Variants in PCNX2 observed in about 807,000 individuals in gnomAD.
The protein encoded by PCNX2 is pecanex 2.
A neutral mutation model predicts 223.8 loss-of-function variants in PCNX2; 168 were observed. The ratio of observed to expected loss-of-function variants is 0.75; its 90% CI spans 0.66 to 0.85. The LOEUF (loss-of-function observed/expected upper bound fraction) is 0.85, where lower values mean the gene tolerates loss of function less well. PCNX2 is among the 40% of genes least tolerant of loss of function. The probability of loss-of-function intolerance (pLI) is 0.00; values close to 1 mark genes in which losing one functional copy is unlikely to be tolerated. For missense variants in PCNX2, 2,507 were observed against 2,675.5 expected (o/e 0.94, Z 1.39); for synonymous variants, 1,006 against 1,052.6 (o/e 0.96, Z 0.86).
intron 26 of PCNX2, among the ~76,000 whole-genome samples, chr1:233,024,479 C>T (rs1478597868): frequency 6.6e-6 from 1 of 152,196 alleles, no homozygotes; most frequent in Non-Finnish European, 1.5e-5. Flanking sequence ...TCCTCTGCCA[C>T]ACGGCTCTCG....
At chr1:233,252,878 T>G (rs1659540280) in intron 5 of PCNX2, 90 bp from the exon 6 acceptor site, 2 of 1,334,104 alleles carry the variant, frequency 1.5e-6, no homozygotes, top group Non-Finnish European at 2.0e-6. Context: ...GAAACAAGAA[T>G]AGAAAGAAAA....
intron 5 of PCNX2, among the ~76,000 whole-genome samples, chr1:233,257,608 AT>A (rs1364265919): frequency 6.6e-6 from 1 of 152,198 alleles, no homozygotes; most frequent in Non-Finnish European, 1.5e-5. Context: ...CGGATTCTGT[AT>A]TTTATAATAG....
intron 17 of PCNX2, among the ~76,000 whole-genome samples, chr1:233,163,893 A>G (rs1340643742): frequency 6.6e-6 from 1 of 152,154 alleles, no homozygotes; most frequent in Non-Finnish European, 1.5e-5. Context: ...ATTGCTGAGT[A>G]GTATTCCTCT....
chr1:233,196,298 C>T (rs898277706), intron 15 of PCNX2, among the ~76,000 whole-genome samples: 1 of 151,662 alleles, frequency 6.6e-6, no homozygotes, highest in Non-Finnish European at 1.5e-5. Flanking sequence ...ATATTTGTGA[C>T]TTAGGGTTAA....
chr1:233,234,209 A>T (rs1187261606), intron 9 of PCNX2, among the ~76,000 whole-genome samples: 1 of 152,198 alleles, frequency 6.6e-6, no homozygotes, highest in Non-Finnish European at 1.5e-5. Flanking sequence ...TGACAAGAAA[A>T]CCTATTTAAT....
intron 23 of PCNX2, among the ~76,000 whole-genome samples, chr1:233,073,047 G>A (rs1489488236): frequency 1.3e-5 from 2 of 152,070 alleles, no homozygotes; most frequent in African/African-American, 4.8e-5. Flanking sequence ...AAAAATTACT[G>A]ATTAATTCTT....
At chr1:233,262,797 T>C (rs1660126538) in intron 2 of PCNX2, among the ~76,000 whole-genome samples, 161 bp downstream of exon 2, 1 of 152,382 alleles carries the variant, frequency 6.6e-6, no homozygotes, top group East Asian at 1.9e-4. Flanking sequence ...ATCTTGATTA[T>C]GAATATCAAT....
At chr1:233,119,403 CAAAAA>C (rs71173251) in intron 21 of PCNX2, among the ~76,000 whole-genome samples, 48 of 38,618 alleles carry the variant, frequency 1.2e-3, no homozygotes, top group Admixed American at 3.8e-3. Context: ...ACTAAAAATA[CAAAAA>C]AAAAAAAAAA....
chr1:233,310,276 A>G, the PCNX2 span, among the ~76,000 whole-genome samples: 2 of 152,246 alleles, frequency 1.3e-5, no homozygotes, highest in Non-Finnish European at 2.9e-5. Flanking sequence ...GGTTCAAAAA[A>G]TAAGTAAAGA....
rs953879332 is a variant in PCNX2 at position 233,238,743 on chromosome 1, C to T, written c.2223-1763G>A. On this transcript the variant is annotated intron_variant, in intron 8 of 33. Transcript: ENST00000258229. ...ATACACACATGTAAATAAACATAAACTTCAATACATTCAATAAAGTCTTCA... is the reference window on the plus strand; with the variant it reads ...ATACACACATGTAAATAAACATAAATTTCAATACATTCAATAAAGTCTTCA... Among the ~76,000 whole-genome samples, 91 of 145,272 alleles carry T rather than the reference C, an allele frequency of 6.3e-4. 1 individual carries two copies. The highest frequency in any genetic ancestry group is 2.2e-3 in the African/African-American group (86 of 39,704).
At chr1:233,027,717 G>C (rs985605111) in intron 25 of PCNX2, among the ~76,000 whole-genome samples, 1 of 152,178 alleles carries the variant, frequency 6.6e-6, no homozygotes, top group Non-Finnish European at 1.5e-5. Context: ...GGTCTCTGTT[G>C]CAGCTGCCTC....
intron 8 of PCNX2, chr1:233,241,079 T>C: frequency 1.3e-6 from 1 of 753,282 alleles, no homozygotes; most frequent in Non-Finnish European, 1.6e-6. Context: ...CCCAGCAACA[T>C]GTTCAACATG....
intron 1 of PCNX2, among the ~76,000 whole-genome samples, chr1:233,265,725 A>G (rs1326120022): frequency 6.6e-6 from 1 of 152,198 alleles, no homozygotes; most frequent in African/African-American, 2.4e-5. Flanking sequence ...AGGGGGGTCC[A>G]TTTTCATGAG....
chr1:233,302,044 C>T, the PCNX2 span, among the ~76,000 whole-genome samples: 1 of 152,060 alleles, frequency 6.6e-6, no homozygotes, highest in African/African-American at 2.4e-5. Context: ...AATGCCCCCG[C>T]CTTGGCCTCC....
intron 25 of PCNX2, among the ~76,000 whole-genome samples, chr1:233,042,302 G>C (rs1294843738): frequency 2.0e-5 from 3 of 152,178 alleles, no homozygotes; most frequent in Admixed American, 6.6e-5. Flanking sequence ...CCAGCCCTTT[G>C]GATTCCCTCA....
At chr1:233,296,217 C>T (rs1356113301), upstream of PCNX2, among the ~76,000 whole-genome samples, 2 of 152,122 alleles carry the variant, frequency 1.3e-5, no homozygotes, top group Non-Finnish European at 2.9e-5. Flanking sequence ...CGACTTCATT[C>T]TCCTTAATTA....
In PCNX2 at chr1:233,214,525, G is replaced by A. The variant is rs569413163; in HGVS notation, c.2691+3374C>T. On this transcript the variant is annotated intron_variant, in intron 12 of 33. Transcript: ENST00000258229. ...GCCAGTAGAGGGGAGGGGGGAAATC[G>A]AGCTCTGCCTCTGGCTTGCTCAGGC... Among the ~76,000 whole-genome samples, 5 of 152,284 alleles carry A rather than the reference G, an allele frequency of 3.3e-5. No individual in the cohort carries two copies. In the South Asian group the frequency reaches 6.2e-4, roughly 19 times the overall value.
At chr1:233,142,511 G>GCCTGTGCTCCTGC (rs1351005409) in intron 19 of PCNX2, among the ~76,000 whole-genome samples, 2 of 152,190 alleles carry the variant, frequency 1.3e-5, no homozygotes, top group African/African-American at 4.8e-5. Flanking sequence ...CTTTCCCAAG[G>GCCTGTGCTCCTGC]CAAGTGGCAA....
chr1:233,274,935 T>C lies in PCNX2; in HGVS notation c.154-11772A>G, dbSNP rs371471233. Among the ~76,000 whole-genome samples, 5 of 152,142 alleles carry C rather than the reference T, an allele frequency of 3.3e-5. No individual in the cohort carries two copies. The East Asian group carries it at 9.7e-4, about 29-fold the overall frequency. ...AAACTCATCCATGTAGATGGACAGA[T>C]GGAGACAGAAGTAGAACCAGCAATG... On this transcript the variant is annotated intron_variant, in intron 1 of 33. Transcript: ENST00000258229.
Sources: gnomAD v4.1 joint callset for allele counts (sites outside exome capture counted in the v4.1 genomes callset) on GRCh38, gnomAD v4.1.1 for gene constraint, MANE v1.5 for transcripts, NCBI Gene and HGNC (gene_info 2026-07-23, HGNC 2026-07-21) for gene names.